The following IHO1 variants were observed in gnomAD, a reference collection of about 807,000 sequenced individuals.
IHO1 encodes interactor of HORMAD1 1, also known as interactor of HORMAD1 protein 1.
IHO1 carries 13 observed loss-of-function variants against 31.0 expected under a neutral mutation model. That is an observed-to-expected ratio of 0.42 (90% CI 0.27 to 0.67). The LOEUF is 0.67. Among genes scored for constraint, IHO1 ranks in the 30% least tolerant of loss-of-function variants. The pLI, the probability that IHO1 is intolerant of heterozygous loss-of-function variation, is 0.24. For missense variants in IHO1, 599 were observed against 687.5 expected, an observed-to-expected ratio of 0.87 and a Z score of 1.44; for synonymous variants, 221 against 248.4, an observed-to-expected ratio of 0.89 and a Z score of 1.04.
At chr3:49,193,576 C>A (rs1484984866), upstream of IHO1, among the ~76,000 whole-genome samples, 1 of 143,762 alleles carries the variant, frequency 7.0e-6, no homozygotes, top group Admixed American at 7.2e-5. Flanking sequence ...GCCTGTAGTC[C>A]CAGCTACGCT....
intron 1 of IHO1, among the ~76,000 whole-genome samples, chr3:49,211,350 G>C (rs1277688419): frequency 1.3e-5 from 2 of 152,046 alleles, no homozygotes; most frequent in Non-Finnish European, 2.9e-5. Flanking sequence ...GAGTTTTGTA[G>C]TTTTCCTCAT....
the IHO1 span, chr3:49,191,946 C>T: frequency 3.0e-6 from 2 of 656,642 alleles, no homozygotes; most frequent in Non-Finnish European, 5.3e-6. Flanking sequence ...CCCCTTTGTC[C>T]TTGCTGCCCT....
intron 3 of IHO1, among the ~76,000 whole-genome samples, chr3:49,237,375 G>A (rs115342049): frequency 0.015 from 2,263 of 151,982 alleles, 45 homozygotes; most frequent in African/African-American, 0.05. Context: ...AAAAAAACCC[G>A]ACAACCAATA....
intron 3 of IHO1, among the ~76,000 whole-genome samples, chr3:49,239,803 C>T (rs536444136): frequency 4.3e-4 from 65 of 152,030 alleles, no homozygotes; most frequent in African/African-American, 1.5e-3. Flanking sequence ...GCTGGGATTA[C>T]AGGCATGCGC....
chr3:49,242,258 A>G (rs956289521), intron 4 of IHO1, among the ~76,000 whole-genome samples: 1 of 152,002 alleles, frequency 6.6e-6, no homozygotes, highest in Non-Finnish European at 1.5e-5. Context: ...TAGCTTCCCA[A>G]GTAGCTTCGA....
intron 6 of IHO1, among the ~76,000 whole-genome samples, chr3:49,252,787 G>A (rs567576600): frequency 6.6e-6 from 1 of 151,560 alleles, no homozygotes; most frequent in Non-Finnish European, 1.5e-5. Context: ...GCTCACTCCT[G>A]TAATTCCAGC....
chr3:49,251,745 G>A (rs777450216), intron 6 of IHO1, among the ~76,000 whole-genome samples: 1 of 152,058 alleles, frequency 6.6e-6, no homozygotes, highest in Non-Finnish European at 1.5e-5. Flanking sequence ...GGGACTACAG[G>A]CATGCGACAC....
intron 6 of IHO1, among the ~76,000 whole-genome samples, chr3:49,251,352 C>G (rs1387909675): frequency 6.7e-6 from 1 of 148,994 alleles, no homozygotes; most frequent in African/African-American, 2.5e-5. Context: ...GTGGCACAAT[C>G]TCAGCTCACT....
chr3:49,229,098 C>T (rs142871850), intron 2 of IHO1, among the ~76,000 whole-genome samples: 3 of 152,000 alleles, frequency 2.0e-5, no homozygotes, highest in South Asian at 2.1e-4. Context: ...AGACACATAG[C>T]GCTGATTGGT....
At chr3:49,247,822 G>GA (rs552209581) in intron 6 of IHO1, among the ~76,000 whole-genome samples, 108 of 139,196 alleles carry the variant, frequency 7.8e-4, no homozygotes, top group East Asian at 1.1e-3. Context: ...TAAATAAAAT[G>GA]AAAAAAAAAA....
intron 6 of IHO1, among the ~76,000 whole-genome samples, chr3:49,253,197 G>A (rs945275417): frequency 3.3e-5 from 5 of 151,980 alleles, no homozygotes; most frequent in Admixed American, 6.6e-5. Flanking sequence ...AGGCTGAGGC[G>A]GGTGGATCAC....
At chr3:49,228,213 A>T in intron 2 of IHO1, 1 of 373,090 alleles carries the variant, frequency 2.7e-6, no homozygotes, top group South Asian at 2.1e-5. Flanking sequence ...CGCAGGGTCA[A>T]CCAACTTGTT....
chr3:49,202,627 C>T (rs1301093215), intron 1 of IHO1, among the ~76,000 whole-genome samples: 2 of 151,576 alleles, frequency 1.3e-5, no homozygotes, highest in Admixed American at 6.6e-5. Context: ...CTGCCCACCT[C>T]GGCCTCCCAA....
chr3:49,221,673 G>T (rs999251286), intron 2 of IHO1, among the ~76,000 whole-genome samples: 6 of 152,222 alleles, frequency 3.9e-5, no homozygotes, highest in Non-Finnish European at 8.8e-5. Context: ...TCAATCCAGG[G>T]GTCCTTGGTA....
intron 2 of IHO1, among the ~76,000 whole-genome samples, chr3:49,216,350 T>C (rs994586059): frequency 6.6e-6 from 1 of 152,192 alleles, no homozygotes; most frequent in African/African-American, 2.4e-5. Context: ...CCCAGCACTT[T>C]GGGAGGCCGA....
At chr3:49,224,462 G>A (rs2046394179) in intron 2 of IHO1, among the ~76,000 whole-genome samples, 2 of 152,236 alleles carry the variant, frequency 1.3e-5, no homozygotes, top group Non-Finnish European at 2.9e-5. Context: ...TCTTCCCAGA[G>A]GTTAGGAACT....
intron 6 of IHO1, among the ~76,000 whole-genome samples, chr3:49,249,945 G>T (rs1217774295): frequency 6.6e-6 from 1 of 152,160 alleles, no homozygotes; most frequent in Non-Finnish European, 1.5e-5. Flanking sequence ...CTCAATTGAG[G>T]CCTTACCAAG....
chr3:49,206,298 A>G (rs889773417), intron 1 of IHO1, among the ~76,000 whole-genome samples: 5 of 151,672 alleles, frequency 3.3e-5, no homozygotes, highest in African/African-American at 1.2e-4. Context: ...GGATTTCACC[A>G]TATTGGTGAG....
intron 6 of IHO1, among the ~76,000 whole-genome samples, chr3:49,247,834 T>A (rs541232559): frequency 1.4e-5 from 2 of 144,784 alleles, no homozygotes; most frequent in East Asian, 2.1e-4. Context: ...AAAAAAAAAA[T>A]AGATTCAAGG....
Sources: allele counts gnomAD v4.1 joint callset (sites outside exome capture counted in the v4.1 genomes callset), GRCh38; gene constraint gnomAD v4.1.1; transcripts MANE v1.5; gene names NCBI Gene and HGNC (gene_info 2026-07-23, HGNC 2026-07-21).